Variants in ZNRF1 observed in about 807,000 individuals in gnomAD.
ZNRF1 encodes the protein E3 ubiquitin-protein ligase ZNRF1.
A neutral mutation model predicts 18.4 loss-of-function variants in ZNRF1; 3 were observed. The ratio of observed to expected loss-of-function variants is 0.16; its 90% CI spans 0.07 to 0.42. The LOEUF is 0.42. ZNRF1 is among the 10% of genes least tolerant of loss of function. The probability of loss-of-function intolerance (pLI) is 0.99; values close to 1 mark genes in which losing one functional copy is unlikely to be tolerated. For synonymous variants in ZNRF1, 157 were observed against 144.2 expected (o/e 1.09, Z -0.64); for missense variants, 310 against 329.8 (o/e 0.94, Z 0.47).
intron 1 of ZNRF1, among the ~76,000 whole-genome samples, chr16:75,089,735 C>G (rs1163085230): frequency 6.6e-6 from 1 of 152,202 alleles, no homozygotes; most frequent in Non-Finnish European, 1.5e-5. Flanking sequence ...TTGCTCTAAA[C>G]TTGAGTCTCC....
At chr16:75,106,659 T>G in intron 4 of ZNRF1, 88 bp downstream of exon 4, 1 of 1,016,114 alleles carries the variant, frequency 9.8e-7, no homozygotes. Context: ...GGGCTGCCCT[T>G]ATGCCACTGA....
At chr16:75,046,578 A>T (rs984461718) in intron 1 of ZNRF1, among the ~76,000 whole-genome samples, 10 of 150,260 alleles carry the variant, frequency 6.7e-5, no homozygotes, top group Admixed American at 4.6e-4. Context: ...TTTTTTATTT[A>T]TTTTTTTATT....
At chr16:75,041,040 A>G (rs2035441419) in intron 1 of ZNRF1, among the ~76,000 whole-genome samples, 1 of 152,162 alleles carries the variant, frequency 6.6e-6, no homozygotes, top group Middle Eastern at 3.2e-3. Context: ...TCACCAGCTG[A>G]TAGACTTTTG....
In ZNRF1 at chr16:75,108,520, T is replaced by C. The variant is rs911382276; in HGVS notation, c.*820T>C. 1.8e-5 allele frequency: 7 copies of C among 398,746 alleles called. No individual in the cohort carries two copies. Among genetic ancestry groups the C allele is most frequent in the African/African-American group, 1.2e-4 (6 of 48,620 alleles). The allele number at this position is 398,746 out of a possible 1,614,324, so 24.7% of individuals were successfully genotyped here. A position where few individuals can be genotyped will look rare whatever the true frequency, so the allele number is the denominator to read the frequency against. On this transcript the variant is annotated 3_prime_UTR_variant, in exon 5 of 5. Transcript: ENST00000335325. ...CAGCTACCCCTGTTTTCAGGCACTA[T>C]GTTTGAGAACATTTTAGCCATTGAT...
chr16:75,108,461 C>G lies in ZNRF1; in HGVS notation c.*761C>G, dbSNP rs1555515396. The G allele has an allele frequency of 5.1e-6, 2 of 394,616 alleles. No individual in the cohort carries two copies. Among genetic ancestry groups the G allele is most frequent in the African/African-American group, 4.2e-5 (2 of 48,140 alleles). 24.4% of individuals were successfully genotyped at this position (394,616 alleles called of 1,614,324 possible). A position where few individuals can be genotyped will look rare whatever the true frequency, so the allele number is the denominator to read the frequency against. On this transcript the variant is annotated 3_prime_UTR_variant, in exon 5 of 5. Transcript: ENST00000335325. ...CTCGTGGATTTTTTTTTTCAGAAAA[C>G]TTAAACAAAAAAAGACTTACTAAGA...
rs1369288267 is a variant in ZNRF1 at position 75,108,817 on chromosome 16, T to C, written c.*1117T>C. 4 of 349,776 alleles carry C rather than the reference T, an allele frequency of 1.1e-5. No individual in the cohort carries two copies. The highest frequency in any genetic ancestry group is 2.0e-5 in the Non-Finnish European group (4 of 197,506). 21.7% of individuals were successfully genotyped at this position (349,776 alleles called of 1,614,324 possible). A position where few individuals can be genotyped will look rare whatever the true frequency, so the allele number is the denominator to read the frequency against. On this transcript the variant is annotated 3_prime_UTR_variant, in exon 5 of 5. Transcript: ENST00000335325. ...CCTCCTTAGCATTCCTTCAGGCTGC[T>C]ACTCGGGGCTCCAGGTGTGTGAATT...
Position 75,074,760 on chromosome 16 carries a change from A to T in ZNRF1, c.425-18812A>T, listed in dbSNP as rs145910199. ...CTATTCAATTTTTTTGTTTGTCTGA[A>T]AATTTCCATAATAAAGGTTTTTTTA... On this transcript the variant is annotated intron_variant, in intron 1 of 4. Coordinates refer to ENST00000335325, the MANE Select transcript of ZNRF1 (RefSeq NM_032268.5). Among the ~76,000 whole-genome samples, 516 of 152,214 alleles carry T rather than the reference A, an allele frequency of 3.4e-3. 1 individual carries two copies. Among genetic ancestry groups the T allele is most frequent in the African/African-American group, 0.011 (461 of 41,512 alleles).
At chr16:75,073,336 G>T (rs1209404383) in intron 1 of ZNRF1, among the ~76,000 whole-genome samples, 1 of 151,486 alleles carries the variant, frequency 6.6e-6, no homozygotes, top group Admixed American at 6.6e-5. Flanking sequence ...CCTCCCTCCA[G>T]TGCATGGTGT....
At chr16:75,091,951 T>C (rs981491472) in intron 1 of ZNRF1, among the ~76,000 whole-genome samples, 6 of 152,134 alleles carry the variant, frequency 3.9e-5, no homozygotes, top group African/African-American at 1.4e-4. Context: ...GTTATAAATG[T>C]ATTATATACT....
chr16:75,017,471 A>G (rs934306734), intron 1 of ZNRF1, among the ~76,000 whole-genome samples: 10 of 152,336 alleles, frequency 6.6e-5, no homozygotes, highest in Admixed American at 4.6e-4. Context: ...AGAATTCTCA[A>G]AGGTTATCAG....
intron 1 of ZNRF1, among the ~76,000 whole-genome samples, chr16:75,031,412 G>A (rs2035301558): frequency 6.6e-6 from 1 of 152,130 alleles, no homozygotes. Context: ...TTACAGGGGA[G>A]CCACCGTGCC....
intron 1 of ZNRF1, among the ~76,000 whole-genome samples, chr16:75,027,507 C>T (rs1241236585): frequency 6.6e-6 from 1 of 152,156 alleles, no homozygotes; most frequent in Non-Finnish European, 1.5e-5. Context: ...TAATATCAGT[C>T]CTTTCAACCA....
intron 1 of ZNRF1, among the ~76,000 whole-genome samples, chr16:75,084,817 C>G (rs1042090880): frequency 6.6e-6 from 1 of 152,196 alleles, no homozygotes; most frequent in Non-Finnish European, 1.5e-5. Flanking sequence ...CACCCACCCA[C>G]TCTACTTGGC....
At chr16:75,032,705 CA>C (rs2035322158) in intron 1 of ZNRF1, among the ~76,000 whole-genome samples, 1 of 151,970 alleles carries the variant, frequency 6.6e-6, no homozygotes, top group Non-Finnish European at 1.5e-5. Context: ...ACTCAACAAC[CA>C]AAAGACAAAC....
chr16:75,066,746 C>T (rs371433182), intron 1 of ZNRF1, among the ~76,000 whole-genome samples: 1 of 152,046 alleles, frequency 6.6e-6, no homozygotes, highest in African/African-American at 2.4e-5. Flanking sequence ...TCAGGTGATC[C>T]GCCCACCTTG....
chr16:75,087,700 G>T (rs1422804587), intron 1 of ZNRF1, among the ~76,000 whole-genome samples: 1 of 152,176 alleles, frequency 6.6e-6, no homozygotes, highest in Non-Finnish European at 1.5e-5. Flanking sequence ...GAACATACTG[G>T]CAGAAAAGGA....
intron 1 of ZNRF1, among the ~76,000 whole-genome samples, chr16:75,040,171 C>T (rs1267310260): frequency 1.3e-5 from 2 of 150,202 alleles, no homozygotes; most frequent in African/African-American, 4.9e-5. Flanking sequence ...CAGCCTTCCA[C>T]GTAGCTGGCA....
chr16:75,033,384 A>G (rs917323617), intron 1 of ZNRF1, among the ~76,000 whole-genome samples: 1 of 149,706 alleles, frequency 6.7e-6, no homozygotes, highest in Non-Finnish European at 1.5e-5. Flanking sequence ...TGAACACGGT[A>G]TTTCTCTAGC....
At chr16:75,044,838 A>G (rs1297170372) in intron 1 of ZNRF1, among the ~76,000 whole-genome samples, 2 of 152,230 alleles carry the variant, frequency 1.3e-5, no homozygotes, top group African/African-American at 2.4e-5. Flanking sequence ...AAGTAACATA[A>G]TATGTTAAGC....
Sources: allele counts gnomAD v4.1 joint callset (sites outside exome capture counted in the v4.1 genomes callset), GRCh38; gene constraint gnomAD v4.1.1; transcripts MANE v1.5; gene names NCBI Gene and HGNC (gene_info 2026-07-23, HGNC 2026-07-21).